The following OPCML variants were observed in gnomAD, a reference collection of about 807,000 sequenced individuals.
OPCML encodes opioid binding protein/cell adhesion molecule like, also known as opioid-binding protein/cell adhesion molecule.
A neutral mutation model predicts 37.8 loss-of-function variants in OPCML; 13 were observed. The observed-to-expected ratio is 0.34, with a 90% CI of 0.22 to 0.55. The LOEUF is 0.55. Ranked by LOEUF, OPCML falls within the 20% of genes least tolerant of loss-of-function variation. OPCML has a pLI of 0.91. For missense variants in OPCML, 341 were observed against 435.6 expected, an observed-to-expected ratio of 0.78 and a Z score of 1.93; for synonymous variants, 176 against 168.8, an observed-to-expected ratio of 1.04 and a Z score of -0.33.
intron 1 of OPCML, among the ~76,000 whole-genome samples, chr11:133,336,463 G>A (rs1400692045): frequency 6.6e-6 from 1 of 152,142 alleles, no homozygotes; most frequent in Non-Finnish European, 1.5e-5. Flanking sequence ...TTGAATAAGT[G>A]TATTGCCATT....
chr11:132,994,660 A>G (rs1203496562), intron 1 of OPCML, among the ~76,000 whole-genome samples: 4 of 152,148 alleles, frequency 2.6e-5, no homozygotes, highest in African/African-American at 4.8e-5. Flanking sequence ...TGCCTTCTGC[A>G]CTGTTTCAGT....
rs369097852 is a variant in OPCML at position 132,778,770 on chromosome 11, A to T, written c.147-121451T>A. Among the ~76,000 whole-genome samples, 1,066 of 152,278 alleles carry T rather than the reference A, an allele frequency of 7.0e-3. 23 individuals are homozygous for T. Among genetic ancestry groups the T allele is most frequent in the Middle Eastern group, 0.048 (14 of 294 alleles). The stretch of plus-strand genomic sequence containing the variant: ...GAGAAAATCAAGGCCTATAGAAATT[A>T]AAAGATATGTCCAAAGTCATAGGCT... On this transcript the variant is annotated intron_variant, in intron 2 of 7. Transcript: ENST00000524381.
chr11:133,337,944 G>A (rs907101966), intron 1 of OPCML, among the ~76,000 whole-genome samples: 2 of 151,814 alleles, frequency 1.3e-5, no homozygotes, highest in African/African-American at 4.8e-5. Flanking sequence ...TGCTTGGGAG[G>A]GCTTTCAGCT....
chr11:133,474,501 A>G (rs1358949020), intron 1 of OPCML, among the ~76,000 whole-genome samples: 1 of 152,234 alleles, frequency 6.6e-6, no homozygotes, highest in Non-Finnish European at 1.5e-5. Flanking sequence ...GTAGAAGAAG[A>G]ATAAGAAATA....
In OPCML at chr11:133,211,274, C is replaced by A. The variant is rs756324715; in HGVS notation, c.62-268264G>T. On this transcript the variant is annotated intron_variant, in intron 1 of 7. Coordinates refer to ENST00000524381, the MANE Select transcript of OPCML (RefSeq NM_001012393.5). This position sits in a 1 kb window ranked among gnomAD's most constrained non-coding sequence, Gnocchi z 4.1. ...TGGTGGACATTTGTTATTTTTAGAG[C>A]CTCTAATTGAGACCACAGCACCCAG... 6.6e-6 allele frequency among the ~76,000 whole-genome samples: 1 copy of A among 152,104 alleles called. No individual in the cohort carries two copies. Among genetic ancestry groups the A allele is most frequent in the Admixed American group, 6.6e-5 (1 of 15,266 alleles).
At chr11:132,993,105 T>C (rs1591888534) in intron 1 of OPCML, among the ~76,000 whole-genome samples, 1 of 152,324 alleles carries the variant, frequency 6.6e-6, no homozygotes, top group South Asian at 2.1e-4. Flanking sequence ...TCCACTGGTT[T>C]GCCTTGGTTT....
At chr11:133,190,598 A>G (rs1039083103) in intron 1 of OPCML, among the ~76,000 whole-genome samples, 3 of 152,210 alleles carry the variant, frequency 2.0e-5, no homozygotes, top group Admixed American at 6.5e-5. Flanking sequence ...TCACCCCAGA[A>G]AAGAAATCCT....
chr11:133,175,225 G>A (rs1293461999), intron 1 of OPCML, among the ~76,000 whole-genome samples: 1 of 152,166 alleles, frequency 6.6e-6, no homozygotes, highest in Non-Finnish European at 1.5e-5. Flanking sequence ...TGGGCAGACA[G>A]AAGAAGACCA....
At chr11:132,975,100 G>A (rs1465589194) in intron 1 of OPCML, among the ~76,000 whole-genome samples, 1 of 151,528 alleles carries the variant, frequency 6.6e-6, no homozygotes. Context: ...CTACCTTGAT[G>A]CCACTATAGG....
intron 1 of OPCML, among the ~76,000 whole-genome samples, chr11:133,017,722 T>C (rs1232323261): frequency 3.3e-5 from 5 of 152,346 alleles, no homozygotes; most frequent in South Asian, 4.1e-4. Flanking sequence ...TCTTTGATGC[T>C]TATTTATGAT....
intron 2 of OPCML, among the ~76,000 whole-genome samples, chr11:132,935,948 G>A (rs1001673784): frequency 4.6e-5 from 7 of 152,150 alleles, no homozygotes; most frequent in African/African-American, 7.2e-5. Flanking sequence ...GTCAAGTAAC[G>A]GGATAGTACA....
At chr11:133,176,736 G>T (rs1937606680) in intron 1 of OPCML, among the ~76,000 whole-genome samples, 1 of 152,134 alleles carries the variant, frequency 6.6e-6, no homozygotes, top group South Asian at 2.1e-4. Flanking sequence ...AGAACCGTGA[G>T]CCAATTAAGC....
At chr11:132,680,389 T>C (rs900528419) in intron 2 of OPCML, among the ~76,000 whole-genome samples, 1 of 152,134 alleles carries the variant, frequency 6.6e-6, no homozygotes, top group African/African-American at 2.4e-5. Context: ...CTCTCCCAGA[T>C]TGGAGAGAAA....
chr11:133,145,218 G>T (rs1949881091), intron 1 of OPCML, among the ~76,000 whole-genome samples: 1 of 152,194 alleles, frequency 6.6e-6, no homozygotes, highest in Admixed American at 6.5e-5. Flanking sequence ...TATAACTGAG[G>T]CAGGGTGCTG....
At chr11:133,403,550 T>C (rs1048664617) in intron 1 of OPCML, among the ~76,000 whole-genome samples, 3 of 152,216 alleles carry the variant, frequency 2.0e-5, no homozygotes, top group Non-Finnish European at 2.9e-5. Context: ...GTAGGCTAAA[T>C]TGGACAGAAT....
At chr11:132,458,093 G>A (rs1280758288) in intron 4 of OPCML, among the ~76,000 whole-genome samples, 3 of 152,192 alleles carry the variant, frequency 2.0e-5, no homozygotes, top group Non-Finnish European at 4.4e-5. Flanking sequence ...TCTATCCTGA[G>A]TGGACAGAGA....
intron 3 of OPCML, among the ~76,000 whole-genome samples, chr11:132,596,315 C>A (rs528496218): frequency 6.6e-6 from 1 of 152,084 alleles, no homozygotes; most frequent in Non-Finnish European, 1.5e-5. Context: ...ATATGTCTGC[C>A]CTATCTATAT....
chr11:133,182,282 G>T (rs1937868835), intron 1 of OPCML, among the ~76,000 whole-genome samples: 4 of 152,184 alleles, frequency 2.6e-5, no homozygotes, highest in Non-Finnish European at 5.9e-5. Context: ...GATACCAAAA[G>T]ATTAGCCATT....
At chr11:132,537,875 C>T (rs55945016) in intron 3 of OPCML, among the ~76,000 whole-genome samples, 28,030 of 152,100 alleles carry the variant, frequency 0.18, 3,164 homozygotes, top group Middle Eastern at 0.34. Context: ...TATCACTTCA[C>T]ACCCACTATG....
Sources: allele counts gnomAD v4.1 joint callset (sites outside exome capture counted in the v4.1 genomes callset), GRCh38; gene constraint gnomAD v4.1.1; non-coding constraint Gnocchi (gnomAD v3.1); transcripts MANE v1.5; gene names NCBI Gene and HGNC (gene_info 2026-07-23, HGNC 2026-07-21).